RCN2: variants seen among roughly 807,000 people sequenced by gnomAD.
RCN2 encodes reticulocalbin 2, also known as reticulocalbin-2.
In RCN2, 23 loss-of-function variants were observed where a neutral mutation model predicts 37.5. The observed-to-expected ratio is 0.61, with a 90% CI of 0.44 to 0.87. The LOEUF (loss-of-function observed/expected upper bound fraction) is 0.87. Among genes scored for constraint, RCN2 ranks in the 40% least tolerant of loss-of-function variants. The pLI is 0.00. For missense variants in RCN2, 381 were observed against 390.4 expected, an observed-to-expected ratio of 0.98 and a Z score of 0.20; for synonymous variants, 140 against 144.6, an observed-to-expected ratio of 0.97 and a Z score of 0.23.
rs2075326305 is a variant in RCN2, at chr15:76,952,516, A to G, written c.*3294A>G. The G allele has an allele frequency of 1.3e-5, 2 of 152,208 alleles. No homozygotes were observed. Among genetic ancestry groups the G allele is most frequent in the Admixed American group, 6.5e-5 (1 of 15,284 alleles). The allele number at this position is 152,208 out of a possible 1,614,324, so 9.4% of individuals were successfully genotyped here. ...TTAAATACAGTCAAAATGTGAAACT[A>G]TTACCACCTTCCATCTCCATGAACT... On this transcript the variant is annotated 3_prime_UTR_variant, in exon 7 of 7. Coordinates refer to ENST00000394885, the MANE Select transcript of RCN2 (RefSeq NM_002902.3).
rs1349387527 is a variant in RCN2, at chr15:76,949,085, G to C, written c.817G>C (p.Asp273His). The change falls in exon 7 of 7, where the codon GAT (aspartate) becomes CAT (histidine). Residue 273 changes from aspartate (D) to histidine (H), a missense_variant. Physicochemically the swap from Asp to His is moderately conservative, Grantham distance 81. Coordinates refer to ENST00000394885, the MANE Select transcript of RCN2 (RefSeq NM_002902.3). ...IAQEEALHLIDEMDLNGDKKL... is the reference protein window; with the variant it reads ...IAQEEALHLIHEMDLNGDKKL... Reference sequence around the variant, plus strand: ...TATTTTGAAGGCGCTTCATCTAATTGATGAAATGGATTTGAATGGTGACAA... The same window carrying C: ...TATTTTGAAGGCGCTTCATCTAATTCATGAAATGGATTTGAATGGTGACAA... 3 of 1,599,556 alleles carry C rather than the reference G, an allele frequency of 1.9e-6. No individual in the cohort carries two copies. Among genetic ancestry groups the C allele is most frequent in the Non-Finnish European group, 8.5e-7 (1 of 1,175,642 alleles).
intron 3 of RCN2, chr15:76,942,143 A>G (rs1210673410): frequency 6.6e-6 from 1 of 152,372 alleles, no homozygotes; most frequent in African/African-American, 2.4e-5. Context: ...ATGTTAATAA[A>G]ACAAATTCTT....
At chr15:76,945,438 T>G (rs192598101) in intron 4 of RCN2, among the ~76,000 whole-genome samples, 2 of 152,326 alleles carry the variant, frequency 1.3e-5, no homozygotes, top group Admixed American at 1.3e-4. Context: ...CAATTTTAAG[T>G]ATAATGAGTC....
At chr15:76,948,293 T>C in intron 5 of RCN2, 117 bp from the exon 6 acceptor site, 1 of 618,156 alleles carries the variant, frequency 1.6e-6, no homozygotes, top group Non-Finnish European at 2.5e-6. Context: ...TTCTGTTTTA[T>C]TGGGCTTTCT....
At chr15:76,947,688 T>G in intron 5 of RCN2, 171 bp downstream of exon 5, 2 of 532,198 alleles carry the variant, frequency 3.8e-6, no homozygotes, top group East Asian at 3.5e-5. Context: ...TTATAGCTTA[T>G]CTGAGAACGC....
chr15:76,949,698 C>T lies in RCN2; in HGVS notation c.*476C>T, dbSNP rs1325129442. On this transcript the variant is annotated 3_prime_UTR_variant, in exon 7 of 7. Transcript: ENST00000394885. ...AAAGAAACCTTTAGAAGGACTTAGACCTCACATATTAATGTTGAGAAGTTC... is the reference window on the plus strand; with the variant it reads ...AAAGAAACCTTTAGAAGGACTTAGATCTCACATATTAATGTTGAGAAGTTC... The T allele has an allele frequency of 6.6e-6, 1 of 152,550 alleles. No homozygotes were observed. The highest frequency in any genetic ancestry group is 2.4e-5 in the African/African-American group (1 of 41,416). 9.4% of individuals were successfully genotyped at this position (152,550 alleles called of 1,614,324 possible).
rs2152648943 is a variant in RCN2, at chr15:76,931,812, G to A, written c.-30G>A. On this transcript the variant is annotated 5_prime_UTR_variant, in exon 1 of 7. Coordinates refer to ENST00000394885, the MANE Select transcript of RCN2 (RefSeq NM_002902.3). ...GGCCCCCGCCAGCCTCCCTCCTCGC[G>A]TCCCTCGGTGTCCTCCGCGGGCCGG... is the stretch of plus-strand genomic sequence containing the variant. The A allele has an allele frequency of 5.8e-6, 7 of 1,204,982 alleles. No homozygotes were observed. The highest frequency in any genetic ancestry group is 7.6e-5 in the South Asian group (2 of 26,478). The allele number at this position is 1,204,982 out of a possible 1,614,324, so 74.6% of individuals were successfully genotyped here.
chr15:76,935,307 A>G (rs1404494869), intron 2 of RCN2, among the ~76,000 whole-genome samples: 1 of 152,232 alleles, frequency 6.6e-6, no homozygotes, highest in Non-Finnish European at 1.5e-5. Context: ...CATGGGTGAA[A>G]GAGCGAGACT....
In RCN2 at chr15:76,953,565, A is replaced by ATATATATG. The variant is rs2075331359; in HGVS notation, c.*4350_*4351insGTATATAT. 1 of 12,066 alleles carries ATATATATG rather than the reference A, an allele frequency of 8.3e-5. No individual in the cohort carries two copies. Among genetic ancestry groups the ATATATATG allele is most frequent in the African/African-American group, 4.5e-4 (1 of 2,208 alleles). 0.7% of individuals were successfully genotyped at this position (12,066 alleles called of 1,614,324 possible). On this transcript the variant is annotated 3_prime_UTR_variant, in exon 7 of 7. Transcript: ENST00000394885. ...GATCATATAGTAATTCTATATATAT[A>ATATATATG]TATATATATATATATATATATATAT...
In RCN2 at chr15:76,931,856, G is replaced by A; in HGVS notation, c.15G>A (p.Pro5=). The A allele has an allele frequency of 1.4e-5, 18 of 1,270,572 alleles. No homozygotes were observed. Among genetic ancestry groups the A allele is most frequent in the Non-Finnish European group, 1.8e-5 (18 of 1,011,206 alleles). 78.7% of individuals were successfully genotyped at this position (1,270,572 alleles called of 1,614,324 possible). A position where few individuals can be genotyped will look rare whatever the true frequency, so the allele number is the denominator to read the frequency against. The change falls in exon 1 of 7, where the codon CCG becomes CCA. Residue 5 remains proline (P), a synonymous_variant. Transcript: ENST00000394885. MRLG[P]RTAALGLLLL... Reference sequence around the variant, plus strand: ...GGGCCGGCGCGATGCGGCTGGGCCCGAGGACCGCGGCGTTGGGGCTGCTGC... The same window carrying A: ...GGGCCGGCGCGATGCGGCTGGGCCCAAGGACCGCGGCGTTGGGGCTGCTGC...
chr15:76,943,901 T>C (rs1187710833), intron 4 of RCN2, 30 bp downstream of exon 4: 22 of 1,286,650 alleles, frequency 1.7e-5, no homozygotes, highest in East Asian at 2.3e-5. Flanking sequence ...AAGAGAATTA[T>C]TGAGTGACCA....
In RCN2 at chr15:76,931,811, C is replaced by G; in HGVS notation, c.-31C>G. 8.3e-7 allele frequency: 1 copy of G among 1,204,538 alleles called. No homozygotes were observed. 74.6% of individuals were successfully genotyped at this position (1,204,538 alleles called of 1,614,324 possible). A position where few individuals can be genotyped will look rare whatever the true frequency, so the allele number is the denominator to read the frequency against. On this transcript the variant is annotated 5_prime_UTR_variant, in exon 1 of 7. Coordinates refer to ENST00000394885, the MANE Select transcript of RCN2 (RefSeq NM_002902.3). ...GGGCCCCCGCCAGCCTCCCTCCTCG[C>G]GTCCCTCGGTGTCCTCCGCGGGCCG...
At chr15:76,941,135 GC>G (rs2075275233) in intron 3 of RCN2, among the ~76,000 whole-genome samples, 1 of 152,148 alleles carries the variant, frequency 6.6e-6, no homozygotes, top group African/African-American at 2.4e-5. Context: ...CCAGGTTCAA[GC>G]AATCGTCCTG....
chr15:76,950,386 C>CTTTTTTTTTTTTTTTTTTTTTTTTTTT lies in RCN2; in HGVS notation c.*1184_*1185insTTTTTTTTTTTTTTTTTTTTTTTTTTT, dbSNP rs67783519. The CTTTTTTTTTTTTTTTTTTTTTTTTTTT allele has an allele frequency of 9.5e-6, 1 of 105,464 alleles. No homozygotes were observed. Among genetic ancestry groups the CTTTTTTTTTTTTTTTTTTTTTTTTTTT allele is most frequent in the African/African-American group, 3.8e-5 (1 of 26,428 alleles). 6.5% of individuals were successfully genotyped at this position (105,464 alleles called of 1,614,324 possible). A position where few individuals can be genotyped will look rare whatever the true frequency, so the allele number is the denominator to read the frequency against. The stretch of plus-strand genomic sequence containing the variant: ...TGATGTACAGAGATTGTTTTTCATT[C>CTTTTTTTTTTTTTTTTTTTTTTTTTTT]TTTTTTTTTTTTTTTTTTTTGTGAC... On this transcript the variant is annotated 3_prime_UTR_variant, in exon 7 of 7. Transcript: ENST00000394885.
intron 3 of RCN2, among the ~76,000 whole-genome samples, chr15:76,940,301 T>TA (rs529669490): frequency 0.079 from 11,404 of 144,590 alleles, 467 homozygotes; most frequent in Middle Eastern, 0.11. Flanking sequence ...CTTGTCCCTT[T>TA]AAAAAAAAAA....
At position 76,950,170 on chromosome 15, in the gene RCN2, C is replaced by T. The variant is rs1177983750; in HGVS notation, c.*948C>T. ...TGGGGCTATAAATAATCTTGAGTAA[C>T]GCAGGTTGGAATTACCAATAGAGCT... On this transcript the variant is annotated 3_prime_UTR_variant, in exon 7 of 7. Transcript: ENST00000394885. 6.6e-6 allele frequency: 1 copy of T among 151,812 alleles called. No individual in the cohort carries two copies. The highest frequency in any genetic ancestry group is 1.5e-5 in the Non-Finnish European group (1 of 68,002). The allele number at this position is 151,812 out of a possible 1,614,324, so 9.4% of individuals were successfully genotyped here.
chr15:76,945,503 A>T (rs766693077), intron 4 of RCN2, among the ~76,000 whole-genome samples: 1 of 152,188 alleles, frequency 6.6e-6, no homozygotes, highest in South Asian at 2.1e-4. Context: ...CTTTTGTTGA[A>T]TTGTAAGTTT....
chr15:76,948,540 T>G lies in RCN2; in HGVS notation c.789T>G (p.Ile263Met). The part of the protein sequence containing the change: ...LPWVVPNNQG[I>M]AQEEALHLID... The stretch of plus-strand genomic sequence containing the variant: ...GGGTAGTACCTAATAATCAGGGCAT[T>G]GCACAAGAGGAGGTAAGTGTTACAG... Residue 263 changes from isoleucine (I) to methionine (M), a missense_variant, in exon 6 of 7, where the codon ATT becomes ATG. Coordinates refer to ENST00000394885, the MANE Select transcript of RCN2 (RefSeq NM_002902.3). The G allele has an allele frequency of 6.3e-7, 1 of 1,578,298 alleles. No individual in the cohort carries two copies. Among genetic ancestry groups the G allele is most frequent in the Non-Finnish European group, 8.6e-7 (1 of 1,159,144 alleles).
rs1239220485 is a variant in RCN2, at chr15:76,932,410, G to A, written c.194G>A (p.Arg65Lys). 4.3e-6 allele frequency: 7 copies of A among 1,613,966 alleles called. No individual in the cohort carries two copies. Among genetic ancestry groups the A allele is most frequent in the South Asian group, 2.2e-5 (2 of 91,072 alleles). ...CTCGGCCACGAAGAGCAGCAAAAAA[G>A]ACTGCAGGCGATCATAAAGAAAATC... ...VKLGHEEQQKRLQAIIKKIDL... is the reference protein window; with the variant it reads ...VKLGHEEQQKKLQAIIKKIDL... The change falls in exon 2 of 7, where the codon AGA becomes AAA. Residue 65 changes from arginine (R) to lysine (K), a missense_variant. Physicochemically the swap from Arg to Lys is conservative, Grantham distance 26 (BLOSUM62 2). Coordinates refer to ENST00000394885, the MANE Select transcript of RCN2 (RefSeq NM_002902.3).
Sources: gnomAD v4.1 joint callset for allele counts (sites outside exome capture counted in the v4.1 genomes callset) on GRCh38, gnomAD v4.1.1 for gene constraint, MANE v1.5 for transcripts, NCBI Gene and HGNC (gene_info 2026-07-23, HGNC 2026-07-21) for gene names.